The following CACNA1C variants were observed in gnomAD, a reference collection of about 807,000 sequenced individuals.
CACNA1C encodes calcium voltage-gated channel subunit alpha1 C, also known as voltage-dependent L-type calcium channel subunit alpha-1C.
In CACNA1C, 30 loss-of-function variants were observed where a neutral mutation model predicts 229.0. The observed-to-expected ratio is 0.13, with a 90% CI of 0.10 to 0.18. The LOEUF (loss-of-function observed/expected upper bound fraction) is 0.18, where lower values mean the gene tolerates loss of function less well. Among genes scored for constraint, CACNA1C ranks in the 10% least tolerant of loss-of-function variants. CACNA1C has a pLI of 1.00. For synonymous variants in CACNA1C, 1,114 were observed against 1,132.5 expected (o/e 0.98, Z 0.33); for missense variants, 1,658 against 2,845.0 (o/e 0.58, Z 9.49).
chr12:2,554,561 G>A (rs1430259001), intron 10 of CACNA1C, among the ~76,000 whole-genome samples: 3 of 152,138 alleles, frequency 2.0e-5, no homozygotes, highest in East Asian at 1.9e-4. Context: ...ACAGTGAACC[G>A]GCCTAGGGTG....
chr12:2,439,082 C>T (rs2099188915), intron 3 of CACNA1C, among the ~76,000 whole-genome samples: 1 of 152,174 alleles, frequency 6.6e-6, no homozygotes, highest in African/African-American at 2.4e-5. Flanking sequence ...CAGTGAGCTC[C>T]TTGGAGAGTT....
chr12:2,057,322 T>C (rs193111724), intron 1 of CACNA1C, among the ~76,000 whole-genome samples: 1 of 152,322 alleles, frequency 6.6e-6, no homozygotes, highest in East Asian at 1.9e-4. Context: ...AACAAATAAA[T>C]GTCTGCGTGA....
At chr12:2,180,174 TA>T (rs2096792149) in intron 3 of CACNA1C, among the ~76,000 whole-genome samples, 1 of 152,220 alleles carries the variant, frequency 6.6e-6, no homozygotes, top group African/African-American at 2.4e-5. Flanking sequence ...TCATTCTGAG[TA>T]AACACGCATG....
chr12:2,664,875 G>A lies in CACNA1C; in HGVS notation c.4283G>A (p.Gly1428Asp). ...WQDIMLACMP[G>D]KKCAPESEPS... ...GACATCATGCTGGCCTGCATGCCAG[G>A]CAAGAAGTGTGCCCCAGAGTCCGAG... The change falls in exon 35 of 47, where the codon GGC becomes GAC. Residue 1428 changes from glycine (G) to aspartate (D), a missense_variant. Gly to Asp is a moderately conservative substitution (Grantham distance 94). Coordinates refer to ENST00000399655, the MANE Select transcript of CACNA1C (RefSeq NM_000719.7). 6.2e-7 allele frequency: 1 copy of A among 1,612,506 alleles called. No homozygotes were observed. Among genetic ancestry groups the A allele is most frequent in the Non-Finnish European group, 8.5e-7 (1 of 1,179,136 alleles).
chr12:2,406,047 A>G (rs542166103), intron 3 of CACNA1C, among the ~76,000 whole-genome samples: 16 of 152,326 alleles, frequency 1.1e-4, no homozygotes, highest in African/African-American at 3.8e-4. Context: ...TTTGGTTGAC[A>G]CTTTCCTTCA....
chr12:2,024,316 A>G (rs770256344), intron 1 of CACNA1C, among the ~76,000 whole-genome samples: 3 of 152,210 alleles, frequency 2.0e-5, no homozygotes, highest in African/African-American at 7.2e-5. Flanking sequence ...AGGTATTTAT[A>G]GATGACATCC....
intron 1 of CACNA1C, among the ~76,000 whole-genome samples, chr12:2,089,596 C>T (rs1380714470): frequency 2.0e-5 from 3 of 152,186 alleles, no homozygotes; most frequent in African/African-American, 7.2e-5. Context: ...GTTATGTACC[C>T]AGAGACTTGA....
intron 3 of CACNA1C, chr12:2,217,788 T>G (rs1048529328): frequency 1.3e-5 from 2 of 152,226 alleles, no homozygotes; most frequent in African/African-American, 2.4e-5. Flanking sequence ...TTTGCACCTG[T>G]CATGTTCACG....
rs750116200 is a variant in CACNA1C, at chr12:2,691,175, C to A, written c.6393C>A (p.Ser2131Arg). ...GRPSEEELQD[S>R]RVYVSSL ...CGAGTGAGGAGGAGCTCCAGGACAGCAGGGTCTACGTCAGCAGCCTGTAGT... is the reference window on the plus strand; with the variant it reads ...CGAGTGAGGAGGAGCTCCAGGACAGAAGGGTCTACGTCAGCAGCCTGTAGT... The change falls in exon 47 of 47, where the codon AGC becomes AGA. Residue 2131 changes from serine (S) to arginine (R), a missense_variant. Coordinates refer to ENST00000399655, the MANE Select transcript of CACNA1C (RefSeq NM_000719.7). 2.5e-6 allele frequency: 4 copies of A among 1,594,888 alleles called. No individual in the cohort carries two copies. Among genetic ancestry groups the A allele is most frequent in the Non-Finnish European group, 3.4e-6 (4 of 1,168,188 alleles).
chr12:2,125,279 C>CTG (rs3831598), intron 3 of CACNA1C, among the ~76,000 whole-genome samples: 120,133 of 151,878 alleles, frequency 0.79, 47,965 homozygotes, highest in African/African-American at 0.9. Context: ...ATTGGCCTGA[C>CTG]TGAGAAGAGC....
At position 2,426,873 on chromosome 12, in the gene CACNA1C, C is replaced by G. The variant is rs141791533; in HGVS notation, c.478-22103C>G. Among the ~76,000 whole-genome samples the G allele has an allele frequency of 1.9e-3, 285 of 152,314 alleles. 1 individual carries two copies. Among genetic ancestry groups the G allele is most frequent in the African/African-American group, 6.6e-3 (275 of 41,570 alleles). ...TTGTTTGTGTGATGGAAGAAAAGTT[C>G]TCAGTGTGAGAGGAGAAGCTGCAAG... is the stretch of plus-strand genomic sequence containing the variant. On this transcript the variant is annotated intron_variant, in intron 3 of 46. Transcript: ENST00000399655.
chr12:2,185,059 G>A (rs772553271), intron 3 of CACNA1C, among the ~76,000 whole-genome samples: 42 of 149,590 alleles, frequency 2.8e-4, no homozygotes, highest in Non-Finnish European at 5.0e-4. Flanking sequence ...ACAACTCAAC[G>A]CAGCTGTAGT....
At chr12:2,235,734 G>A (rs1012541514) in intron 3 of CACNA1C, among the ~76,000 whole-genome samples, 10 of 152,168 alleles carry the variant, frequency 6.6e-5, no homozygotes, top group African/African-American at 2.2e-4. Context: ...CAGGACAAAG[G>A]TCTGAATGAC....
chr12:2,507,584 G>T (rs191540515), intron 8 of CACNA1C, among the ~76,000 whole-genome samples: 4 of 152,322 alleles, frequency 2.6e-5, no homozygotes, highest in East Asian at 1.9e-4. Flanking sequence ...ATTCAAAAAG[G>T]TCTCACTGCT....
chr12:2,400,234 G>A (rs2154550790), intron 3 of CACNA1C, among the ~76,000 whole-genome samples: 1 of 152,308 alleles, frequency 6.6e-6, no homozygotes, highest in African/African-American at 2.4e-5. Flanking sequence ...CTCAACTCCA[G>A]CCTGTGGAGC....
chr12:2,480,012 T>G (rs1286123062), intron 5 of CACNA1C, among the ~76,000 whole-genome samples: 2 of 152,152 alleles, frequency 1.3e-5, no homozygotes, highest in African/African-American at 4.8e-5. Flanking sequence ...CAGATGGGGA[T>G]TATTTCCTCC....
chr12:2,004,420 C>T lies in CACNA1C; in HGVS notation c.139+33219C>T, dbSNP rs569328671. Reference sequence around the variant, plus strand: ...CCTTTCCCACCAGGCCGCCTGCCGCCACGGCTGCCATCTTCCCTCCCTCCC... The same window carrying T: ...CCTTTCCCACCAGGCCGCCTGCCGCTACGGCTGCCATCTTCCCTCCCTCCC... On this transcript the variant is annotated intron_variant, in intron 1 of 46. Transcript: ENST00000682462. The T allele has an allele frequency of 3.5e-5, 56 of 1,609,838 alleles. No individual in the cohort carries two copies. In the South Asian group the frequency reaches 5.2e-4, roughly 15 times the overall value.
At chr12:1,992,018 C>T in intron 1 of CACNA1C, 1 of 299,038 alleles carries the variant, frequency 3.3e-6, no homozygotes, top group Non-Finnish European at 7.0e-6. Flanking sequence ...GCACACAAAA[C>T]AATTCAAACT....
chr12:2,459,179 T>G (rs945225183), intron 5 of CACNA1C, among the ~76,000 whole-genome samples: 2 of 148,576 alleles, frequency 1.3e-5, no homozygotes, highest in Admixed American at 1.3e-4. Context: ...GTTTTTTTTT[T>G]TTTTTTTTTG....
Sources: allele counts gnomAD v4.1 joint callset (sites outside exome capture counted in the v4.1 genomes callset), GRCh38; gene constraint gnomAD v4.1.1; transcripts MANE v1.5; gene names NCBI Gene and HGNC (gene_info 2026-07-23, HGNC 2026-07-21).